Variants in MSRA observed in about 807,000 individuals in gnomAD.
MSRA encodes methionine sulfoxide reductase A.
MSRA carries 54 observed loss-of-function variants against 31.3 expected under a neutral mutation model. That is an observed-to-expected ratio of 1.73 (90% confidence interval 1.39 to 2.17). The LOEUF (loss-of-function observed/expected upper bound fraction) is 2.17. Among genes scored for constraint, MSRA ranks in the 30% most tolerant of loss-of-function variants. The pLI is 0.00. For synonymous variants in MSRA, 169 were observed against 116.5 expected (o/e 1.45, Z -2.90); for missense variants, 507 against 300.9 (o/e 1.69, Z -5.07).
chr8:10,136,080 T>C (rs1276132601), intron 1 of MSRA, among the ~76,000 whole-genome samples: 1 of 152,176 alleles, frequency 6.6e-6, no homozygotes, highest in Non-Finnish European at 1.5e-5. Flanking sequence ...TGGAACACTG[T>C]ATTCTATCCA....
At chr8:10,316,432 T>C (rs569700574) in intron 4 of MSRA, among the ~76,000 whole-genome samples, 1 of 151,940 alleles carries the variant, frequency 6.6e-6, no homozygotes, top group Non-Finnish European at 1.5e-5. Context: ...TTTACTAATA[T>C]CCTCCAAGTA....
At chr8:10,323,756 G>GTT (rs1387122609) in intron 5 of MSRA, among the ~76,000 whole-genome samples, 1 of 151,378 alleles carries the variant, frequency 6.6e-6, no homozygotes, top group Non-Finnish European at 1.5e-5. Flanking sequence ...GTGTGTGTGT[G>GTT]TGTGTGTGTG....
chr8:10,276,070 G>C (rs1177850168), intron 3 of MSRA, among the ~76,000 whole-genome samples: 1 of 152,180 alleles, frequency 6.6e-6, no homozygotes, highest in Non-Finnish European at 1.5e-5. Context: ...CTCCGTGTCT[G>C]GGCTTCCTGG....
At chr8:10,310,094 T>G (rs1801354654) in intron 4 of MSRA, among the ~76,000 whole-genome samples, 2 of 152,262 alleles carry the variant, frequency 1.3e-5, no homozygotes, top group South Asian at 4.1e-4. Context: ...GAAGTTAGTT[T>G]TTTAAAATAA....
rs567914338 is a variant in MSRA, at chr8:10,054,760, C to T, written c.142+102C>T. ...TGCCCGGAAGGAAGCCGTGGGCTGG[C>T]CTCGGGCGGGTCGCGGGGTGGGGGT... On this transcript the variant is annotated intron_variant, in intron 1 of 5. Coordinates refer to ENST00000317173, the MANE Select transcript of MSRA (RefSeq NM_012331.5). 287 of 1,269,272 alleles carry T rather than the reference C, an allele frequency of 2.3e-4. 3 individuals are homozygous for T. The South Asian group carries it at 6.5e-3, about 29-fold the overall frequency. 78.6% of individuals were successfully genotyped at this position (1,269,272 alleles called of 1,614,324 possible). A position where few individuals can be genotyped will look rare whatever the true frequency, so the allele number is the denominator to read the frequency against.
chr8:10,406,852 G>C (rs1335038927), intron 5 of MSRA, among the ~76,000 whole-genome samples: 1 of 152,198 alleles, frequency 6.6e-6, no homozygotes, highest in Non-Finnish European at 1.5e-5. Flanking sequence ...TGCCTTGTCA[G>C]ACGTGATCTT....
Position 10,193,437 on chromosome 8 carries a change from A to G in MSRA, c.143-14396A>G, listed in dbSNP as rs555441103. On this transcript the variant is annotated intron_variant, in intron 1 of 5. Transcript: ENST00000317173. Reference sequence around the variant, plus strand: ...TTATTCAGCAAAGCTCCATTCAGTCATTACAGAATCCATCAAAGAAGTGTC... The same window carrying G: ...TTATTCAGCAAAGCTCCATTCAGTCGTTACAGAATCCATCAAAGAAGTGTC... 4.6e-5 allele frequency among the ~76,000 whole-genome samples: 7 copies of G among 152,310 alleles called. No individual in the cohort carries two copies. The East Asian group carries it at 1.3e-3, about 29-fold the overall frequency.
intron 3 of MSRA, among the ~76,000 whole-genome samples, chr8:10,300,148 G>GTGTGTGTGTT (rs1283206786): frequency 8.5e-5 from 13 of 152,142 alleles, no homozygotes; most frequent in African/African-American, 2.7e-4. Flanking sequence ...GTGTGTGTGT[G>GTGTGTGTGTT]TGCACGCGTG....
chr8:10,172,146 C>G lies in MSRA; in HGVS notation c.143-35687C>G, dbSNP rs538530055. ...GCAGAACTACAGATGCATGCTCCCT[C>G]CATGCCAATGTGTGGAAAGGGAGTG... On this transcript the variant is annotated intron_variant, in intron 1 of 5. Coordinates refer to ENST00000317173, the MANE Select transcript of MSRA (RefSeq NM_012331.5). Among the ~76,000 whole-genome samples the G allele has an allele frequency of 3.2e-3, 493 of 152,308 alleles. 4 individuals carry two copies. Among genetic ancestry groups the G allele is most frequent in the Middle Eastern group, 0.02 (6 of 294 alleles).
chr8:10,085,413 C>T (rs1259196163), intron 1 of MSRA, among the ~76,000 whole-genome samples: 1 of 152,198 alleles, frequency 6.6e-6, no homozygotes, highest in South Asian at 2.1e-4. Context: ...ATTTGGCAGT[C>T]ATTTCTTGCC....
At chr8:10,135,292 A>G (rs775699222) in intron 1 of MSRA, among the ~76,000 whole-genome samples, 19 of 152,230 alleles carry the variant, frequency 1.2e-4, no homozygotes, top group Non-Finnish European at 2.6e-4. Context: ...GGAGAAAGTC[A>G]TTCGGTGTTT....
chr8:10,163,114 T>C (rs926150401), intron 1 of MSRA, among the ~76,000 whole-genome samples: 7 of 151,884 alleles, frequency 4.6e-5, no homozygotes, highest in South Asian at 2.1e-4. Context: ...CAATGGGAGG[T>C]TGACCAACTG....
chr8:10,210,175 A>G (rs996564507), intron 2 of MSRA, among the ~76,000 whole-genome samples: 3 of 152,112 alleles, frequency 2.0e-5, no homozygotes, highest in African/African-American at 4.8e-5. Flanking sequence ...TACATTGGGC[A>G]TTTCATCCTG....
chr8:10,088,552 T>A (rs1798686620), intron 1 of MSRA, among the ~76,000 whole-genome samples: 1 of 152,092 alleles, frequency 6.6e-6, no homozygotes, highest in Non-Finnish European at 1.5e-5. Context: ...CCAGCCAACA[T>A]GGCGAAACCC....
chr8:10,085,431 A>G (rs1167245249), intron 1 of MSRA, among the ~76,000 whole-genome samples: 3 of 152,160 alleles, frequency 2.0e-5, no homozygotes, highest in East Asian at 3.9e-4. Flanking sequence ...GCCACGTGAT[A>G]TCTAATAACT....
At chr8:10,310,872 A>C (rs945091415) in intron 4 of MSRA, among the ~76,000 whole-genome samples, 3 of 152,216 alleles carry the variant, frequency 2.0e-5, no homozygotes, top group African/African-American at 7.2e-5. Flanking sequence ...ATGATTTTAA[A>C]CTCTTTGTGA....
At chr8:10,209,430 G>A (rs1420437941) in intron 2 of MSRA, among the ~76,000 whole-genome samples, 1 of 152,208 alleles carries the variant, frequency 6.6e-6, no homozygotes, top group Non-Finnish European at 1.5e-5. Context: ...CTTTCTTGAA[G>A]GGCAGATTCA....
intron 1 of MSRA, among the ~76,000 whole-genome samples, chr8:10,093,864 A>AAT (rs1226535110): frequency 1.3e-5 from 2 of 152,200 alleles, no homozygotes; most frequent in Non-Finnish European, 2.9e-5. Context: ...ATTTTCAAAG[A>AAT]ATAGTTTTGC....
At chr8:10,227,397 A>G (rs371904234) in intron 2 of MSRA, among the ~76,000 whole-genome samples, 11 of 152,182 alleles carry the variant, frequency 7.2e-5, no homozygotes, top group African/African-American at 2.4e-4. Context: ...GGCTACTTCA[A>G]GAGGCAGAGG....
Sources: allele counts gnomAD v4.1 joint callset (sites outside exome capture counted in the v4.1 genomes callset), GRCh38; gene constraint gnomAD v4.1.1; transcripts MANE v1.5; gene names NCBI Gene and HGNC (gene_info 2026-07-23, HGNC 2026-07-21).